The following AKNA variants were observed in gnomAD, a reference collection of about 807,000 sequenced individuals.
AKNA encodes the protein microtubule organization protein AKNA.
AKNA carries 67 observed loss-of-function variants against 138.8 expected under a neutral mutation model. The observed-to-expected ratio is 0.48, with a 90% CI of 0.40 to 0.59. The LOEUF (loss-of-function observed/expected upper bound fraction) is 0.59. Ranked by LOEUF, AKNA falls within the 20% of genes least tolerant of loss-of-function variation. AKNA has a pLI of 0.00. For missense variants in AKNA, 1,813 were observed against 1,880.4 expected, an observed-to-expected ratio of 0.96 and a Z score of 0.66; for synonymous variants, 737 against 754.4, an observed-to-expected ratio of 0.98 and a Z score of 0.38.
Position 114,349,790 on chromosome 9 carries a change from T to A in AKNA, c.3221+1069A>T, listed in dbSNP as rs540015702. 3.9e-5 allele frequency among the ~76,000 whole-genome samples: 6 copies of A among 152,300 alleles called. No individual in the cohort carries two copies. In the East Asian group the frequency reaches 9.6e-4, roughly 24 times the overall value. ...CACTCCACCCCCTCACACTAGAGGA[T>A]CTGGCTGACCGTTTAGCTCCTCCAA... On this transcript the variant is annotated intron_variant, in intron 15 of 21. Transcript: ENST00000374088.
Position 114,350,923 on chromosome 9 carries a change from C to A in AKNA, c.3157G>T (p.Ala1053Ser). The A allele has an allele frequency of 1.2e-6, 2 of 1,610,236 alleles. No homozygotes were observed. Among genetic ancestry groups the A allele is most frequent in the Non-Finnish European group, 1.7e-6 (2 of 1,178,530 alleles). ...TCTGTTGGTCCACAGGGTAGAGGCGCAGCGGCAGGGGCGGGGGCTGGGGGT... is the reference window on the plus strand; with the variant it reads ...TCTGTTGGTCCACAGGGTAGAGGCGAAGCGGCAGGGGCGGGGGCTGGGGGT... Reference protein sequence around the residue: ...SPPPAPAPAAAPLPCGPTETI... With the variant: ...SPPPAPAPAASPLPCGPTETI... Residue 1053 changes from alanine to serine, a missense_variant, in exon 15 of 22, where the codon GCG (alanine) becomes TCG (serine). Ala to Ser is a moderately conservative substitution (Grantham distance 99, BLOSUM62 1). Coordinates refer to ENST00000374088, the MANE Select transcript of AKNA (RefSeq NM_001317950.2).
At chr9:114,348,326 C>A (rs1244037244) in intron 15 of AKNA, among the ~76,000 whole-genome samples, 1 of 152,216 alleles carries the variant, frequency 6.6e-6, no homozygotes, top group Non-Finnish European at 1.5e-5. Context: ...CCAGACCTGG[C>A]AGAAGATGCT....
At chr9:114,331,726 C>T (rs769464069), downstream of AKNA, 11 of 1,585,384 alleles carry the variant, frequency 6.9e-6, no homozygotes, top group Non-Finnish European at 9.5e-6. Flanking sequence ...CCTCACCCCC[C>T]ATTCACCCAC....
chr9:114,398,116 A>AG (rs1834592628), upstream of AKNA, among the ~76,000 whole-genome samples: 1 of 149,830 alleles, frequency 6.7e-6, no homozygotes, highest in Admixed American at 6.6e-5. The surrounding 1 kb of genome is among the most constrained non-coding windows in gnomAD (Gnocchi z 4.2). Context: ...AGCTGGAAAG[A>AG]GAAAAAGCCA....
intron 11 of AKNA, 77 bp downstream of exon 11, chr9:114,359,517 T>C: frequency 6.2e-7 from 1 of 1,610,748 alleles, no homozygotes; most frequent in Non-Finnish European, 8.5e-7. Context: ...AGCGCTGTCT[T>C]ATTCACTCTG....
At chr9:114,368,240 C>T in intron 5 of AKNA, 199 bp downstream of exon 5, 1 of 523,700 alleles carries the variant, frequency 1.9e-6, no homozygotes, top group Non-Finnish European at 2.9e-6. Flanking sequence ...CCAGGGCTGC[C>T]CCCAGGCTGC....
intron 11 of AKNA, chr9:114,359,375 A>G (rs760605931): frequency 5.5e-6 from 5 of 913,728 alleles, no homozygotes; most frequent in Non-Finnish European, 7.9e-6. Context: ...AGCTGAGAAT[A>G]ATGTTCTTTA....
Position 114,337,239 on chromosome 9 carries a change from G to A in AKNA, c.4135C>T (p.Pro1379Ser). 3 of 1,571,788 alleles carry A rather than the reference G, an allele frequency of 1.9e-6. No individual in the cohort carries two copies. Among genetic ancestry groups the A allele is most frequent in the Non-Finnish European group, 2.6e-6 (3 of 1,150,930 alleles). Residue 1379 changes from proline (P) to serine (S), a missense_variant, in exon 22 of 22, where the codon CCA (proline) becomes TCA (serine). Pro to Ser is a moderately conservative substitution (Grantham distance 74, BLOSUM62 -1). Coordinates refer to ENST00000374088, the MANE Select transcript of AKNA (RefSeq NM_001317950.2). Reference protein sequence around the residue: ...AAKWPPTASPPPARRHRHSIQ... With the variant: ...AAKWPPTASPSPARRHRHSIQ... ...GAGTGCCGGTGTCTCCGGGCTGGTG[G>A]GGGAGAGGCTGTGGGCGGCCACTTG...
chr9:114,341,743 G>A lies in AKNA; in HGVS notation c.3875-18C>T. 2 of 1,544,006 alleles carry A rather than the reference G, an allele frequency of 1.3e-6. No individual in the cohort carries two copies. The highest frequency in any genetic ancestry group is 1.3e-5 in the South Asian group (1 of 78,712). On this transcript the variant is annotated intron_variant, in intron 20 of 21. Transcript: ENST00000374088. ...CTCTGCCCCTATCAGGGAGGGAACA[G>A]CACAGAGAGACAGAGTCTGACCACT...
rs755752187 is a variant in AKNA at position 114,361,744 on chromosome 9, C to T, written c.2084G>A (p.Gly695Glu). The change falls in exon 9 of 22, where the codon GGA becomes GAA. Residue 695 changes from glycine (G) to glutamate (E), a missense_variant. By Grantham distance (98) the Gly-to-Glu change is moderately conservative. Transcript: ENST00000374088. ...HQPTHLPAPS[G>E]QAPMPAIKTS... ...CTTGATGGCTGGCATGGGGGCTTGT[C>T]CAGAAGGAGCAGGCAGGTGCGTTGG... 2.2e-5 allele frequency: 35 copies of T among 1,613,396 alleles called. No homozygotes were observed. Among genetic ancestry groups the T allele is most frequent in the Non-Finnish European group, 2.9e-5 (34 of 1,180,024 alleles).
chr9:114,396,446 C>G (rs575527150), upstream of AKNA, among the ~76,000 whole-genome samples: 1 of 152,050 alleles, frequency 6.6e-6, no homozygotes, highest in South Asian at 2.1e-4. Flanking sequence ...TTCAGGAGGC[C>G]GAGGTGGGAG....
rs1832202133 is a variant in AKNA at position 114,364,572 on chromosome 9, C to T, written c.1776G>A (p.Gln592=). ...RLIQAGRLMP[Q]DQVKGFQRLK... is the part of the protein sequence containing the mutation. The stretch of plus-strand genomic sequence containing the variant: ...AATTGGGCAGTACCTTGACTTGGTC[C>T]TGGGGCATGAGACGTCCTGCCTGTA... Residue 592 remains glutamine (Q), a synonymous_variant, in exon 7 of 22, where the codon CAG becomes CAA. Transcript: ENST00000374088. 6.2e-7 allele frequency: 1 copy of T among 1,613,920 alleles called. No individual in the cohort carries two copies.
chr9:114,377,465 C>T lies in AKNA; in HGVS notation c.342G>A (p.Gln114=). The change falls in exon 3 of 22, where the codon CAG becomes CAA. Residue 114 remains glutamine (Q), a synonymous_variant. Coordinates refer to ENST00000374088, the MANE Select transcript of AKNA (RefSeq NM_001317950.2). Reference sequence around the variant, plus strand: ...CTTCAGTCATGTCCAGCTGACGGCCCTGCTGGGGGAGCCAGGCAAGAGGCT... The same window carrying T: ...CTTCAGTCATGTCCAGCTGACGGCCTTGCTGGGGGAGCCAGGCAAGAGGCT... ...SHEPLAWLPQ[Q]GRQLDMTEEE... The T allele has an allele frequency of 6.2e-7, 1 of 1,613,380 alleles. No individual in the cohort carries two copies. Among genetic ancestry groups the T allele is most frequent in the Non-Finnish European group, 8.5e-7 (1 of 1,179,856 alleles).
chr9:114,384,022 G>A (rs1233335414), intron 1 of AKNA, among the ~76,000 whole-genome samples: 1 of 152,120 alleles, frequency 6.6e-6, no homozygotes, highest in Non-Finnish European at 1.5e-5. Flanking sequence ...CCCACTCGGC[G>A]CCAGCCTGGG....
chr9:114,389,704 C>T (rs1834262510), upstream of AKNA, among the ~76,000 whole-genome samples: 1 of 152,206 alleles, frequency 6.6e-6, no homozygotes, highest in Non-Finnish European at 1.5e-5. Flanking sequence ...TCTCTGGTCT[C>T]CTCTAAAGGC....
At chr9:114,333,919 G>A (rs1829906369), downstream of AKNA, among the ~76,000 whole-genome samples, 1 of 148,286 alleles carries the variant, frequency 6.7e-6, no homozygotes, top group Non-Finnish European at 1.5e-5. Flanking sequence ...GGAGGTGATT[G>A]TATCACGGGG....
downstream of AKNA, chr9:114,330,780 G>T (rs1292022187): frequency 1.9e-6 from 3 of 1,613,404 alleles, no homozygotes; most frequent in Admixed American, 3.3e-5. Flanking sequence ...TCCGCCTTCT[G>T]GTTGACTTTA....
At chr9:114,362,592 G>A in intron 7 of AKNA, 59 bp from the exon 8 acceptor site, 1 of 1,569,758 alleles carries the variant, frequency 6.4e-7, no homozygotes, top group Non-Finnish European at 8.6e-7. Context: ...GCCTGTCCCT[G>A]AAGACACAGT....
Sources: allele counts gnomAD v4.1 joint callset (sites outside exome capture counted in the v4.1 genomes callset), GRCh38; gene constraint gnomAD v4.1.1; non-coding constraint Gnocchi (gnomAD v3.1); transcripts MANE v1.5; gene names NCBI Gene and HGNC (gene_info 2026-07-23, HGNC 2026-07-21).